The following NKAIN2 variants were observed in gnomAD, a reference collection of about 807,000 sequenced individuals.
NKAIN2 encodes the protein sodium/potassium transporting ATPase interacting 2.
In NKAIN2, 14 loss-of-function variants were observed where a neutral mutation model predicts 32.6. That is an observed-to-expected ratio of 0.43 (90% CI 0.28 to 0.67). The LOEUF (loss-of-function observed/expected upper bound fraction) is 0.67, where lower values mean the gene tolerates loss of function less well. Among genes scored for constraint, NKAIN2 ranks in the 30% least tolerant of loss-of-function variants. The pLI is 0.17. For synonymous variants in NKAIN2, 80 were observed against 87.2 expected (o/e 0.92, Z 0.46); for missense variants, 198 against 258.3 (o/e 0.77, Z 1.60).
At chr6:124,531,004 A>G (rs947699930) in intron 3 of NKAIN2, among the ~76,000 whole-genome samples, 2 of 152,144 alleles carry the variant, frequency 1.3e-5, no homozygotes, top group Admixed American at 6.5e-5. Flanking sequence ...CTCTTCCATA[A>G]ATACCCCCAT....
intron 1 of NKAIN2, among the ~76,000 whole-genome samples, chr6:123,806,734 T>A (rs1399306647): frequency 6.6e-6 from 1 of 152,032 alleles, no homozygotes; most frequent in Non-Finnish European, 1.5e-5. Context: ...TGTGTTCTTG[T>A]AACATTTGGG....
chr6:123,987,515 C>T lies in NKAIN2; in HGVS notation c.54+183261C>T, dbSNP rs73773034. Among the ~76,000 whole-genome samples, 1,194 of 152,204 alleles carry T rather than the reference C, an allele frequency of 7.8e-3. 14 individuals are homozygous for T. The highest frequency in any genetic ancestry group is 0.028 in the African/African-American group (1,149 of 41,520). On this transcript the variant is annotated intron_variant, in intron 1 of 6. Coordinates refer to ENST00000368417, the MANE Select transcript of NKAIN2 (RefSeq NM_001040214.3). ...TGGGCCGATGTGGGAGGTTTTTCTGCTCAGTGTCTTACAAGTCTGAAATCA... is the reference window on the plus strand; with the variant it reads ...TGGGCCGATGTGGGAGGTTTTTCTGTTCAGTGTCTTACAAGTCTGAAATCA...
At chr6:124,540,077 G>C (rs1362091783) in intron 3 of NKAIN2, among the ~76,000 whole-genome samples, 2 of 152,214 alleles carry the variant, frequency 1.3e-5, no homozygotes, top group Non-Finnish European at 2.9e-5. Context: ...TATGCTTAGT[G>C]TCTTCTGTAG....
intron 1 of NKAIN2, among the ~76,000 whole-genome samples, chr6:124,027,388 G>A (rs1781160129): frequency 1.3e-5 from 2 of 152,088 alleles, no homozygotes; most frequent in African/African-American, 4.8e-5. Context: ...TGATCTGCCC[G>A]CCTCAGCCTC....
intron 3 of NKAIN2, among the ~76,000 whole-genome samples, chr6:124,504,873 A>G (rs1357069757): frequency 1.3e-5 from 2 of 152,234 alleles, no homozygotes. Flanking sequence ...ATGGTCATCC[A>G]TAGTTTAACA....
At chr6:124,686,862 G>A (rs1773909778) in intron 4 of NKAIN2, among the ~76,000 whole-genome samples, 2 of 152,190 alleles carry the variant, frequency 1.3e-5, no homozygotes, top group South Asian at 4.1e-4. Flanking sequence ...TGAGTCAGTG[G>A]GCTGGGAAAG....
intron 1 of NKAIN2, among the ~76,000 whole-genome samples, chr6:123,976,392 T>TTCCC (rs1554231949): frequency 1.9e-5 from 1 of 52,180 alleles, no homozygotes; most frequent in Non-Finnish European, 4.0e-5. Flanking sequence ...TATATATATA[T>TTCCC]ATATATATAT....
At chr6:123,963,276 G>T (rs1777933258) in intron 1 of NKAIN2, among the ~76,000 whole-genome samples, 1 of 152,106 alleles carries the variant, frequency 6.6e-6, no homozygotes, top group Non-Finnish European at 1.5e-5. Context: ...AAGAGGGAAA[G>T]GTGAACTAGA....
chr6:124,383,568 C>T (rs1175169354), intron 3 of NKAIN2, among the ~76,000 whole-genome samples: 1 of 152,272 alleles, frequency 6.6e-6, no homozygotes, highest in Non-Finnish European at 1.5e-5. Flanking sequence ...TGTGGCCACA[C>T]ACGTGCTGTT....
intron 3 of NKAIN2, among the ~76,000 whole-genome samples, chr6:124,359,368 G>A (rs767305800): frequency 1.0e-3 from 155 of 152,246 alleles, no homozygotes; most frequent in Non-Finnish European, 1.5e-3. Flanking sequence ...TGGGCAGTAT[G>A]GCCATTTTCA....
chr6:123,930,605 A>G (rs541702458), intron 1 of NKAIN2, among the ~76,000 whole-genome samples: 1 of 152,320 alleles, frequency 6.6e-6, no homozygotes, highest in East Asian at 1.9e-4. Context: ...CTTGTTTTGT[A>G]CAAGTTATAT....
intron 1 of NKAIN2, among the ~76,000 whole-genome samples, chr6:123,955,812 GA>G (rs973019706): frequency 1.2e-4 from 19 of 152,038 alleles, no homozygotes; most frequent in African/African-American, 4.3e-4. Context: ...TATTTGGAGA[GA>G]AGGGGGGTCT....
chr6:124,592,711 CTCTTA>C (rs1045763847), intron 3 of NKAIN2, among the ~76,000 whole-genome samples: 7 of 152,134 alleles, frequency 4.6e-5, no homozygotes, highest in Non-Finnish European at 1.0e-4. Flanking sequence ...CAATACAGTC[CTCTTA>C]TCATGTAGTG....
chr6:124,250,844 A>C (rs1012121723), intron 1 of NKAIN2, among the ~76,000 whole-genome samples: 4 of 152,102 alleles, frequency 2.6e-5, no homozygotes, highest in African/African-American at 9.6e-5. Flanking sequence ...CGATGAAAAG[A>C]GTAGACTAAT....
chr6:124,805,242 C>A (rs1219076135), intron 5 of NKAIN2, among the ~76,000 whole-genome samples: 1 of 152,206 alleles, frequency 6.6e-6, no homozygotes, highest in African/African-American at 2.4e-5. Context: ...AGGCACCCCC[C>A]AGTAGGGGCA....
In NKAIN2 at chr6:123,912,098, G is replaced by T. The variant is rs998886119; in HGVS notation, c.54+107844G>T. 5.9e-5 allele frequency among the ~76,000 whole-genome samples: 9 copies of T among 151,528 alleles called. No homozygotes were observed. In the South Asian group the frequency reaches 8.3e-4, roughly 14 times the overall value. On this transcript the variant is annotated intron_variant, in intron 1 of 6. Transcript: ENST00000368417. ...GAGAGGTAGATACTTGTCTTGCTTA[G>T]TACACCAATTTCCATGTTTTACCTT... is the stretch of plus-strand genomic sequence containing the variant.
chr6:124,655,387 G>A (rs567345984), intron 3 of NKAIN2, among the ~76,000 whole-genome samples: 61 of 152,050 alleles, frequency 4.0e-4, no homozygotes, highest in Admixed American at 1.7e-3. Context: ...GTATATGTTT[G>A]CTTTATTATG....
At chr6:124,807,616 A>T (rs1392884830) in intron 5 of NKAIN2, among the ~76,000 whole-genome samples, 2 of 146,922 alleles carry the variant, frequency 1.4e-5, no homozygotes, top group African/African-American at 5.0e-5. Flanking sequence ...AAAAGCTAGC[A>T]GAAGGCAAGA....
chr6:124,591,657 A>T (rs936336398), intron 3 of NKAIN2, among the ~76,000 whole-genome samples: 1 of 152,194 alleles, frequency 6.6e-6, no homozygotes, highest in Non-Finnish European at 1.5e-5. Flanking sequence ...GTTGTCAAAG[A>T]TATCAGTACA....
Sources: gnomAD v4.1 joint callset for allele counts (sites outside exome capture counted in the v4.1 genomes callset) on GRCh38, gnomAD v4.1.1 for gene constraint, MANE v1.5 for transcripts, NCBI Gene and HGNC (gene_info 2026-07-23, HGNC 2026-07-21) for gene names.